PHLPP1: variants seen among roughly 807,000 people sequenced by gnomAD.
PHLPP1 encodes the protein PH domain and leucine rich repeat protein phosphatase 1, also known as PH domain leucine-rich repeat-containing protein phosphatase 1.
In PHLPP1, 42 loss-of-function variants were observed where a neutral mutation model predicts 117.2. The ratio of observed to expected loss-of-function variants is 0.36; its 90% confidence interval spans 0.28 to 0.46. PHLPP1 has a LOEUF of 0.46. Ranked by LOEUF, PHLPP1 falls within the 20% of genes least tolerant of loss-of-function variation. The pLI is 1.00. For missense variants in PHLPP1, 2,084 were observed against 2,241.9 expected (o/e 0.93, Z 1.42); for synonymous variants, 1,042 against 970.7 (o/e 1.07, Z -1.37).
At chr18:62,836,191 C>G (rs939684187) in intron 2 of PHLPP1, among the ~76,000 whole-genome samples, 1 of 151,570 alleles carries the variant, frequency 6.6e-6, no homozygotes, top group African/African-American at 2.4e-5. Flanking sequence ...AATCCCAGCA[C>G]TTGAGAGGCT....
chr18:62,921,367 T>C (rs1332928989), intron 10 of PHLPP1, among the ~76,000 whole-genome samples: 8 of 152,240 alleles, frequency 5.3e-5, no homozygotes, highest in Non-Finnish European at 1.2e-4. Context: ...ATGTTAGCTA[T>C]GTTTCAGCAT....
chr18:62,958,843 A>C, intron 13 of PHLPP1, 84 bp downstream of exon 13: 1 of 1,462,906 alleles, frequency 6.8e-7, no homozygotes, highest in Non-Finnish European at 9.5e-7. Context: ...GAAACAAAAT[A>C]TGAAGCATCA....
chr18:62,792,353 C>T (rs559316150), intron 1 of PHLPP1, among the ~76,000 whole-genome samples: 3 of 152,258 alleles, frequency 2.0e-5, no homozygotes, highest in African/African-American at 7.2e-5. Context: ...TGGTGTGAAA[C>T]AGTAGATTTT....
At chr18:62,885,712 G>C (rs554459287) in intron 4 of PHLPP1, among the ~76,000 whole-genome samples, 95 of 152,294 alleles carry the variant, frequency 6.2e-4, no homozygotes, top group African/African-American at 2.2e-3. Flanking sequence ...AATAAAGGTA[G>C]GGAAGTTGGA....
chr18:62,735,154 T>C (rs190297491), intron 1 of PHLPP1, among the ~76,000 whole-genome samples: 274 of 152,104 alleles, frequency 1.8e-3, no homozygotes, highest in African/African-American at 6.4e-3. Flanking sequence ...AAGGCATCCT[T>C]CCACCTCAGC....
intron 1 of PHLPP1, among the ~76,000 whole-genome samples, chr18:62,728,188 G>A (rs946287139): frequency 3.9e-5 from 6 of 151,972 alleles, no homozygotes; most frequent in African/African-American, 1.4e-4. Flanking sequence ...CCAGCTACTC[G>A]GGAGGCTGAG....
chr18:62,906,342 C>A (rs1185859559), intron 8 of PHLPP1: 8 of 152,904 alleles, frequency 5.2e-5, no homozygotes, highest in African/African-American at 1.7e-4. Context: ...TCTACAGCTC[C>A]CAGCGTGAGC....
At chr18:62,949,907 A>G (rs1428512293) in intron 12 of PHLPP1, among the ~76,000 whole-genome samples, 1 of 152,200 alleles carries the variant, frequency 6.6e-6, no homozygotes, top group Non-Finnish European at 1.5e-5. Context: ...TAGCAGTCAC[A>G]TTGGTAATAT....
chr18:62,775,272 T>C (rs753911123), intron 1 of PHLPP1, among the ~76,000 whole-genome samples: 2 of 152,174 alleles, frequency 1.3e-5, no homozygotes, highest in Non-Finnish European at 2.9e-5. Flanking sequence ...TAATTTTTTG[T>C]ATTTTTAGTA....
At chr18:62,822,976 C>T (rs1039093356) in intron 1 of PHLPP1, among the ~76,000 whole-genome samples, 2 of 152,022 alleles carry the variant, frequency 1.3e-5, no homozygotes, top group Admixed American at 1.3e-4. Context: ...AAAAGAAGAC[C>T]CAGACCAAAT....
chr18:62,828,831 A>T (rs945408576), intron 1 of PHLPP1, among the ~76,000 whole-genome samples: 27 of 152,200 alleles, frequency 1.8e-4, no homozygotes, highest in Admixed American at 6.5e-5. Context: ...TAAATATGTT[A>T]TTCCTGACTG....
chr18:62,928,548 G>A (rs952609042), intron 10 of PHLPP1, among the ~76,000 whole-genome samples: 2 of 152,194 alleles, frequency 1.3e-5, no homozygotes, highest in East Asian at 1.9e-4. Flanking sequence ...CTGAAACCTC[G>A]TACACTGCTG....
chr18:62,958,403 A>G (rs929936298), intron 12 of PHLPP1, among the ~76,000 whole-genome samples: 1 of 152,244 alleles, frequency 6.6e-6, no homozygotes, highest in African/African-American at 2.4e-5. Context: ...AATAAAGAAC[A>G]TGGATTTTCT....
intron 14 of PHLPP1, among the ~76,000 whole-genome samples, chr18:62,967,539 T>C (rs1002656776): frequency 2.6e-5 from 4 of 152,188 alleles, no homozygotes; most frequent in Non-Finnish European, 5.9e-5. Flanking sequence ...AACTTGTTCA[T>C]TCACAATCAA....
At chr18:62,913,739 CTTT>C (rs398033174) in intron 8 of PHLPP1, among the ~76,000 whole-genome samples, 4 of 100,748 alleles carry the variant, frequency 4.0e-5, no homozygotes, top group Middle Eastern at 5.6e-3. Context: ...CTCTCTCTCT[CTTT>C]TTTTTTTTTT....
At chr18:62,784,589 T>G (rs1020646763) in intron 1 of PHLPP1, among the ~76,000 whole-genome samples, 4 of 152,248 alleles carry the variant, frequency 2.6e-5, no homozygotes, top group African/African-American at 9.6e-5. Context: ...CACATTTGTC[T>G]GTGTGCTGAA....
At chr18:62,775,566 A>G (rs1430024116) in intron 1 of PHLPP1, among the ~76,000 whole-genome samples, 2 of 152,224 alleles carry the variant, frequency 1.3e-5, no homozygotes, top group African/African-American at 2.4e-5. Flanking sequence ...CATTACCACA[A>G]TGTCCCAGTA....
At chr18:62,856,575 G>T (rs1915504126) in intron 3 of PHLPP1, among the ~76,000 whole-genome samples, 1 of 151,980 alleles carries the variant, frequency 6.6e-6, no homozygotes, top group Non-Finnish European at 1.5e-5. Flanking sequence ...CTATAGGCAC[G>T]CACCACCACG....
chr18:62,889,161 C>G (rs1325578817), intron 4 of PHLPP1, among the ~76,000 whole-genome samples: 1 of 152,088 alleles, frequency 6.6e-6, no homozygotes, highest in Non-Finnish European at 1.5e-5. Context: ...AGAAACAATC[C>G]ATGCTTTATT....
Sources: allele counts gnomAD v4.1 joint callset (sites outside exome capture counted in the v4.1 genomes callset), GRCh38; gene constraint gnomAD v4.1.1; transcripts MANE v1.5; gene names NCBI Gene and HGNC (gene_info 2026-07-23, HGNC 2026-07-21).